The following RNF180 variants were observed in gnomAD, a reference collection of about 807,000 sequenced individuals.
RNF180 encodes E3 ubiquitin-protein ligase RNF180.
In RNF180, 38 loss-of-function variants were observed where a neutral mutation model predicts 59.2. The observed-to-expected ratio is 0.64, with a 90% CI of 0.50 to 0.84. RNF180 has a LOEUF of 0.84. RNF180 is among the 40% of genes least tolerant of loss of function. RNF180 has a pLI of 0.00. For synonymous variants in RNF180, 262 were observed against 240.3 expected (o/e 1.09, Z -0.84); for missense variants, 705 against 700.9 (o/e 1.01, Z -0.07).
intron 7 of RNF180, among the ~76,000 whole-genome samples, chr5:64,337,968 G>A (rs1467144195): frequency 1.3e-5 from 2 of 152,020 alleles, no homozygotes; most frequent in Non-Finnish European, 2.9e-5. Context: ...ATAAACATAC[G>A]TATGCATGTG....
intron 7 of RNF180, among the ~76,000 whole-genome samples, chr5:64,350,983 T>C (rs1283910602): frequency 1.3e-5 from 2 of 152,124 alleles, no homozygotes; most frequent in Admixed American, 6.6e-5. Flanking sequence ...GCATTGAATC[T>C]ATAAATTACC....
intron 5 of RNF180, among the ~76,000 whole-genome samples, chr5:64,268,592 T>G (rs759318703): frequency 6.6e-6 from 1 of 152,174 alleles, no homozygotes; most frequent in African/African-American, 2.4e-5. Context: ...ATACCCCTTA[T>G]ACATGGAGGA....
intron 5 of RNF180, among the ~76,000 whole-genome samples, chr5:64,278,384 C>T (rs1741836412): frequency 6.6e-6 from 1 of 152,118 alleles, no homozygotes; most frequent in Admixed American, 6.6e-5. Context: ...AGACAGCAAG[C>T]TCTTCCAGAT....
chr5:64,325,462 A>T, intron 6 of RNF180, 51 bp downstream of exon 6: 1 of 1,232,568 alleles, frequency 8.1e-7, no homozygotes, highest in African/African-American at 1.5e-5. Flanking sequence ...TACCTCTTAT[A>T]GTTCTAAAGG....
chr5:64,264,985 T>C (rs563360981), intron 5 of RNF180, among the ~76,000 whole-genome samples: 1 of 152,336 alleles, frequency 6.6e-6, no homozygotes, highest in South Asian at 2.1e-4. Flanking sequence ...CTAGTGATGA[T>C]GAGCTTTTTT....
chr5:64,236,837 G>A (rs988775405), intron 5 of RNF180, among the ~76,000 whole-genome samples: 1 of 152,196 alleles, frequency 6.6e-6, no homozygotes, highest in African/African-American at 2.4e-5. Flanking sequence ...GAGGGTGAAA[G>A]CCCCAAGCCT....
chr5:64,337,525 C>CT (rs1244139447), intron 7 of RNF180, among the ~76,000 whole-genome samples: 1 of 151,676 alleles, frequency 6.6e-6, no homozygotes, highest in African/African-American at 2.4e-5. Flanking sequence ...TTTTATTATA[C>CT]TTTAAGTTTT....
intron 2 of RNF180, among the ~76,000 whole-genome samples, chr5:64,201,476 TC>T (rs1442213038): frequency 6.6e-6 from 1 of 152,182 alleles, no homozygotes; most frequent in African/African-American, 2.4e-5. Context: ...AAATTTCTTC[TC>T]TAAGAGCAGT....
At chr5:64,213,063 G>T (rs1023010249) in intron 3 of RNF180, among the ~76,000 whole-genome samples, 2 of 152,172 alleles carry the variant, frequency 1.3e-5, no homozygotes, top group African/African-American at 4.8e-5. Context: ...ACTGTCTGAT[G>T]TATGCAATCA....
chr5:64,214,619 T>C (rs1752518661), intron 4 of RNF180, 102 bp downstream of exon 4: 4 of 1,054,198 alleles, frequency 3.8e-6, no homozygotes, highest in Non-Finnish European at 5.5e-6. Context: ...AACTTGGTTT[T>C]AGTAATTCTG....
intron 5 of RNF180, among the ~76,000 whole-genome samples, chr5:64,275,274 A>T (rs1361195536): frequency 7.1e-6 from 1 of 141,154 alleles, no homozygotes; most frequent in Admixed American, 7.2e-5. Flanking sequence ...TGTGTCAGGC[A>T]TATGAAAAAT....
chr5:64,276,319 GGTGTGTGTGTGTGT>G (rs375203511), intron 5 of RNF180, among the ~76,000 whole-genome samples: 1,712 of 138,186 alleles, frequency 0.012, 58 homozygotes, highest in Admixed American at 0.076. Flanking sequence ...AAAATACATT[GGTGTGTGTGTGTGT>G]GTGTGTGTGT....
chr5:64,261,816 A>G (rs1744356521), intron 5 of RNF180, among the ~76,000 whole-genome samples: 1 of 152,158 alleles, frequency 6.6e-6, no homozygotes, highest in South Asian at 2.1e-4. Context: ...GTCATCCACC[A>G]TCACTTGCGT....
chr5:64,326,507 C>T (rs915862581), intron 6 of RNF180, among the ~76,000 whole-genome samples: 1 of 152,102 alleles, frequency 6.6e-6, no homozygotes, highest in African/African-American at 2.4e-5. Flanking sequence ...TATGCCTCTG[C>T]CATCAGGCTG....
intron 5 of RNF180, among the ~76,000 whole-genome samples, chr5:64,252,132 T>A (rs1743618312): frequency 6.6e-6 from 1 of 152,174 alleles, no homozygotes; most frequent in Admixed American, 6.6e-5. Context: ...CAAAATATAC[T>A]ACAGATCTAT....
intron 5 of RNF180, 145 bp from the exon 6 acceptor site, chr5:64,325,041 G>C (rs1269166307): frequency 1.6e-6 from 1 of 606,986 alleles, no homozygotes; most frequent in East Asian, 2.8e-5. Flanking sequence ...TCTTGACTTT[G>C]AAAGGTAGCA....
At position 64,214,291 on chromosome 5, in the gene RNF180, A is replaced by T; in HGVS notation, c.965A>T (p.Asp322Val). ...CTAGAAGCTGCTTCAGTGTATTCTG[A>T]CCATACTAATACTAACAATCTGACT... ...CGLEAASVYS[D>V]HTNTNNLTFL... The change falls in exon 4 of 8, where the codon GAC becomes GTC. Residue 322 changes from aspartate (D) to valine (V), a missense_variant. Asp to Val is a radical substitution (Grantham distance 152). Coordinates refer to ENST00000389100, the MANE Select transcript of RNF180 (RefSeq NM_001113561.2). 6.2e-7 allele frequency: 1 copy of T among 1,614,002 alleles called. No individual in the cohort carries two copies. Among genetic ancestry groups the T allele is most frequent in the Non-Finnish European group, 8.5e-7 (1 of 1,179,994 alleles).
chr5:64,177,526 C>T (rs1245863337), intron 1 of RNF180, among the ~76,000 whole-genome samples: 4 of 105,192 alleles, frequency 3.8e-5, no homozygotes, highest in Non-Finnish European at 4.0e-5. Context: ...TAAATTATGC[C>T]ATATATATAT....
At chr5:64,321,917 C>G (rs951583997) in intron 5 of RNF180, among the ~76,000 whole-genome samples, 2 of 152,136 alleles carry the variant, frequency 1.3e-5, no homozygotes, top group Admixed American at 6.5e-5. Context: ...GGAAAGGATT[C>G]CCTGTTTAAT....
Sources: allele counts gnomAD v4.1 joint callset (sites outside exome capture counted in the v4.1 genomes callset), GRCh38; gene constraint gnomAD v4.1.1; transcripts MANE v1.5; gene names NCBI Gene and HGNC (gene_info 2026-07-23, HGNC 2026-07-21).